The following PYGO1 variants were observed in gnomAD, a reference collection of about 807,000 sequenced individuals.
The protein encoded by PYGO1 is pygopus homolog 1.
A neutral mutation model predicts 29.5 loss-of-function variants in PYGO1; 6 were observed. The ratio of observed to expected loss-of-function variants is 0.20; its 90% CI spans 0.11 to 0.40. The LOEUF (loss-of-function observed/expected upper bound fraction) is 0.40. Ranked by LOEUF, PYGO1 falls within the 10% of genes least tolerant of loss-of-function variation. PYGO1 has a pLI of 1.00. For synonymous variants in PYGO1, 186 were observed against 180.5 expected (o/e 1.03, Z -0.24); for missense variants, 515 against 514.9 (o/e 1.00, Z 0.00).
At chr15:55,559,992 T>C (rs1230378484) in intron 1 of PYGO1, among the ~76,000 whole-genome samples, 1 of 152,064 alleles carries the variant, frequency 6.6e-6, no homozygotes, top group Admixed American at 6.6e-5. Context: ...ACCCTTCGCG[T>C]TGAAAACTCA....
At chr15:55,578,317 GT>G (rs967794769) in intron 1 of PYGO1, among the ~76,000 whole-genome samples, 14 of 148,764 alleles carry the variant, frequency 9.4e-5, no homozygotes, top group East Asian at 7.8e-4. Context: ...TCTTGTACAA[GT>G]TTTTTTTTTG....
intron 1 of PYGO1, among the ~76,000 whole-genome samples, chr15:55,550,591 C>T (rs763864): frequency 6.6e-6 from 1 of 152,164 alleles, no homozygotes; most frequent in South Asian, 2.1e-4. Context: ...GTTCTCATAA[C>T]CCCAACTTCT....
upstream of PYGO1, chr15:55,588,781 A>G (rs1595999197): frequency 1.2e-6 from 2 of 1,611,404 alleles, no homozygotes; most frequent in Non-Finnish European, 1.7e-6. Flanking sequence ...CCTCGCAGCT[A>G]GGGATCGGAA....
chr15:55,575,376 A>T (rs1461084534), intron 1 of PYGO1, among the ~76,000 whole-genome samples: 1 of 152,212 alleles, frequency 6.6e-6, no homozygotes, highest in Non-Finnish European at 1.5e-5. Flanking sequence ...CCTAGGCTAC[A>T]CTACTTTGCT....
At chr15:55,557,254 A>AG (rs1263507869) in intron 1 of PYGO1, among the ~76,000 whole-genome samples, 8 of 152,328 alleles carry the variant, frequency 5.3e-5, no homozygotes, top group Non-Finnish European at 8.8e-5. Context: ...AGAAATGCAT[A>AG]AATTCCTCGA....
chr15:55,587,113 T>C, intron 1 of PYGO1, among the ~76,000 whole-genome samples: 1 of 152,174 alleles, frequency 6.6e-6, no homozygotes, highest in South Asian at 2.1e-4. Context: ...TCCCCCAATT[T>C]CCGGGTGGCA....
intron 1 of PYGO1, among the ~76,000 whole-genome samples, chr15:55,566,960 G>C (rs1247187637): frequency 6.6e-6 from 1 of 152,020 alleles, no homozygotes; most frequent in Non-Finnish European, 1.5e-5. Context: ...TCGAACTCCT[G>C]GGCTCAAGCA....
chr15:55,542,880 G>C lies in PYGO1; in HGVS notation c.*3143C>G, dbSNP rs1262687906. The C allele has an allele frequency of 6.6e-6, 1 of 152,024 alleles. No homozygotes were observed. The highest frequency in any genetic ancestry group is 1.5e-5 in the Non-Finnish European group (1 of 68,102). 9.4% of individuals were successfully genotyped at this position (152,024 alleles called of 1,614,324 possible). A position where few individuals can be genotyped will look rare whatever the true frequency, so the allele number is the denominator to read the frequency against. ...GAAGGCAGACGTTGCAGTGAGCCGA[G>C]ATCTCATCACTGCACTCCAGCCTGG... On this transcript the variant is annotated 3_prime_UTR_variant, in exon 3 of 3. Transcript: ENST00000563719.
intron 1 of PYGO1, 28 bp downstream of exon 1, chr15:55,587,806 TC>T: frequency 6.8e-7 from 1 of 1,477,156 alleles, no homozygotes; most frequent in Non-Finnish European, 9.0e-7. Flanking sequence ...TCACCCCGGT[TC>T]CCCCAATCCG....
intron 1 of PYGO1, among the ~76,000 whole-genome samples, chr15:55,559,647 G>A (rs2058923675): frequency 6.6e-6 from 1 of 152,156 alleles, no homozygotes; most frequent in Non-Finnish European, 1.5e-5. Flanking sequence ...ATACTATGCA[G>A]CCAGAAATGA....
Position 55,543,303 on chromosome 15 carries a change from A to G in PYGO1, c.*2720T>C, listed in dbSNP as rs2058835995. 1 of 152,228 alleles carries G rather than the reference A, an allele frequency of 6.6e-6. No individual in the cohort carries two copies. The allele number at this position is 152,228 out of a possible 1,614,324, so 9.4% of individuals were successfully genotyped here. A position where few individuals can be genotyped will look rare whatever the true frequency, so the allele number is the denominator to read the frequency against. On this transcript the variant is annotated 3_prime_UTR_variant, in exon 3 of 3. Transcript: ENST00000563719. Reference sequence around the variant, plus strand: ...CAGTTCATCACTTATTCCATCCAAAAGCATCTATATAACTTTTGACTTAGC... The same window carrying G: ...CAGTTCATCACTTATTCCATCCAAAGGCATCTATATAACTTTTGACTTAGC...
intron 1 of PYGO1, among the ~76,000 whole-genome samples, chr15:55,575,307 T>C (rs112988097): frequency 5.0e-4 from 76 of 152,266 alleles, no homozygotes; most frequent in African/African-American, 1.7e-3. Flanking sequence ...CCCCCTCAGG[T>C]AATACAGATA....
At position 55,542,044 on chromosome 15, in the gene PYGO1, T is replaced by C. The variant is rs145173599; in HGVS notation, c.*3979A>G. On this transcript the variant is annotated 3_prime_UTR_variant, in exon 3 of 3. Coordinates refer to ENST00000563719, the MANE Select transcript of PYGO1 (RefSeq NM_001367806.1). Reference sequence around the variant, plus strand: ...AGATATAAAACAGCACAAATGTCCATGCATAAGAAACCTCTATACACGGCA... The same window carrying C: ...AGATATAAAACAGCACAAATGTCCACGCATAAGAAACCTCTATACACGGCA... The C allele has an allele frequency of 1.4e-4, 21 of 152,260 alleles. No homozygotes were observed. Among genetic ancestry groups the C allele is most frequent in the African/African-American group, 4.3e-4 (18 of 41,548 alleles). 9.4% of individuals were successfully genotyped at this position (152,260 alleles called of 1,614,324 possible). A position where few individuals can be genotyped will look rare whatever the true frequency, so the allele number is the denominator to read the frequency against.
chr15:55,574,648 ATGTG>A (rs56305536), intron 1 of PYGO1, among the ~76,000 whole-genome samples: 55,374 of 150,836 alleles, frequency 0.37, 10,455 homozygotes, highest in South Asian at 0.55. Context: ...TATACTGTAT[ATGTG>A]TGTGTGTGTG....
At position 55,586,620 on chromosome 15, in the gene PYGO1, C is replaced by A. The variant is rs989579325; in HGVS notation, c.49+1215G>T. On this transcript the variant is annotated intron_variant, in intron 1 of 2. Transcript: ENST00000563719. ...TTCCTTGCTCACTTTGCTGCAGTTA[C>A]AATAGCTTCTTTGCTGTTGATTGCA... Among the ~76,000 whole-genome samples, 7 of 152,332 alleles carry A rather than the reference C, an allele frequency of 4.6e-5. No homozygotes were observed. In the East Asian group the frequency reaches 7.7e-4, roughly 17 times the overall value.
intron 1 of PYGO1, among the ~76,000 whole-genome samples, chr15:55,567,557 G>A (rs2058962333): frequency 6.6e-6 from 1 of 152,012 alleles, no homozygotes; most frequent in Admixed American, 6.6e-5. Context: ...CCCTTCTGTA[G>A]GTTGTCTGTT....
chr15:55,564,183 G>A (rs960615211), intron 1 of PYGO1, among the ~76,000 whole-genome samples: 1 of 152,076 alleles, frequency 6.6e-6, no homozygotes, highest in South Asian at 2.1e-4. Context: ...GTCCATCAAC[G>A]AGTGAATGGA....
chr15:55,585,008 T>C (rs760194145), intron 1 of PYGO1, among the ~76,000 whole-genome samples: 4 of 152,212 alleles, frequency 2.6e-5, no homozygotes, highest in Non-Finnish European at 5.9e-5. Context: ...CCTGATTCCG[T>C]AGATCCACGA....
chr15:55,562,299 A>G (rs2058936159), intron 1 of PYGO1, among the ~76,000 whole-genome samples: 1 of 152,230 alleles, frequency 6.6e-6, no homozygotes, highest in Non-Finnish European at 1.5e-5. Context: ...AAAGATCTAG[A>G]GGCAGAAATA....
Sources: gnomAD v4.1 joint callset for allele counts (sites outside exome capture counted in the v4.1 genomes callset) on GRCh38, gnomAD v4.1.1 for gene constraint, MANE v1.5 for transcripts, NCBI Gene and HGNC (gene_info 2026-07-23, HGNC 2026-07-21) for gene names.